PRR13: variants seen among roughly 807,000 people sequenced by gnomAD.
PRR13 encodes proline-rich protein 13.
In PRR13, 7 loss-of-function variants were observed where a neutral mutation model predicts 11.5. The ratio of observed to expected loss-of-function variants is 0.61; its 90% confidence interval spans 0.34 to 1.14. The LOEUF (loss-of-function observed/expected upper bound fraction) is 1.14. Among genes scored for constraint, PRR13 ranks in the 50% most tolerant of loss-of-function variants. PRR13 has a pLI of 0.03. For synonymous variants in PRR13, 53 were observed against 67.8 expected, an observed-to-expected ratio of 0.78 and a Z score of 1.07; for missense variants, 155 against 194.4, an observed-to-expected ratio of 0.80 and a Z score of 1.21.
intron 3 of PRR13, 120 bp downstream of exon 3, chr12:53,443,893 C>G: frequency 8.5e-7 from 1 of 1,174,484 alleles, no homozygotes; most frequent in Non-Finnish European, 1.2e-6. Flanking sequence ...TTGTGTCGCT[C>G]TGGTAGATGA....
intron 1 of PRR13, chr12:53,442,177 C>CTAG (rs1352531714): frequency 2.2e-5 from 7 of 313,334 alleles, no homozygotes; most frequent in Non-Finnish European, 3.5e-5. Context: ...GCCCTGGGAA[C>CTAG]TAGATTCCTG....
chr12:53,443,352 T>TG (rs1340257340), intron 2 of PRR13, 39 bp from the exon 3 acceptor site: 11 of 1,350,090 alleles, frequency 8.1e-6, no homozygotes, highest in Non-Finnish European at 1.1e-5. Flanking sequence ...TTGGAGACTC[T>TG]GGGGAATTCT....
rs771297686 is a variant in PRR13, at chr12:53,446,023, C to G, written c.411C>G (p.Ser137=). 1.2e-6 allele frequency: 2 copies of G among 1,611,580 alleles called. No homozygotes were observed. Among genetic ancestry groups the G allele is most frequent in the Non-Finnish European group, 1.7e-6 (2 of 1,179,314 alleles). The change falls in exon 4 of 4, where the codon TCC becomes TCG. Residue 137 remains serine (S), a synonymous_variant. Transcript: ENST00000429243. ...HKYHKHGKHS[S]SSSSSSSSDS... ...CCCCTTTCCCCTTGCAGCATTCCTC[C>G]TCTTCCTCCTCCTCTTCCAGCAGTG... is the stretch of plus-strand genomic sequence containing the variant.
intron 3 of PRR13, among the ~76,000 whole-genome samples, chr12:53,444,808 G>A (rs879672460): frequency 6.6e-6 from 1 of 152,040 alleles, no homozygotes; most frequent in Non-Finnish European, 1.5e-5. Context: ...TGAGGCAGGA[G>A]AATTGCTTGA....
Position 53,441,998 on chromosome 12 carries a change from G to A in PRR13, c.-21+206G>A, listed in dbSNP as rs1940301232. On this transcript the variant is annotated intron_variant, in intron 1 of 3. Coordinates refer to ENST00000429243, the MANE Select transcript of PRR13 (RefSeq NM_018457.4). The stretch of plus-strand genomic sequence containing the variant: ...CGTATCCTTTTTTTAGCCTGAGGTG[G>A]GGTCCTCCCCAGGGAGAGAGAAAGT... 5.0e-6 allele frequency: 3 copies of A among 605,906 alleles called. No homozygotes were observed. In the East Asian group the frequency reaches 8.3e-5, roughly 17 times the overall value. The allele number at this position is 605,906 out of a possible 1,614,324, so 37.5% of individuals were successfully genotyped here. A position where few individuals can be genotyped will look rare whatever the true frequency, so the allele number is the denominator to read the frequency against.
Position 53,443,329 on chromosome 12 carries a change from T to A in PRR13, c.20-62T>A, listed in dbSNP as rs555162823. ...TGAGTGAGAAAGAATCTCTTTCTTT[T>A]TGTTGTTTGTTGTTGGAGACTCTGG... On this transcript the variant is annotated intron_variant, in intron 2 of 3. Coordinates refer to ENST00000429243, the MANE Select transcript of PRR13 (RefSeq NM_018457.4). 23 of 1,300,666 alleles carry A rather than the reference T, an allele frequency of 1.8e-5. No homozygotes were observed. The East Asian group carries it at 5.5e-4, about 31-fold the overall frequency. 80.6% of individuals were successfully genotyped at this position (1,300,666 alleles called of 1,614,324 possible).
At chr12:53,445,629 T>C (rs150779445) in intron 3 of PRR13, among the ~76,000 whole-genome samples, 1 of 152,348 alleles carries the variant, frequency 6.6e-6, no homozygotes, top group African/African-American at 2.4e-5. Flanking sequence ...CTTAAAATCA[T>C]AGGACTTTGC....
chr12:53,446,210 T>A lies in PRR13; in HGVS notation c.*151T>A. 1 of 1,399,808 alleles carries A rather than the reference T, an allele frequency of 7.1e-7. No individual in the cohort carries two copies. Among genetic ancestry groups the A allele is most frequent in the East Asian group, 2.4e-5 (1 of 41,210 alleles). 86.7% of individuals were successfully genotyped at this position (1,399,808 alleles called of 1,614,324 possible). A position where few individuals can be genotyped will look rare whatever the true frequency, so the allele number is the denominator to read the frequency against. ...ACCCTGCTGTTGAGCCCTGAGTGGC[T>A]AGGGGAAATGGGAAGAGGATTGCCA... is the stretch of plus-strand genomic sequence containing the variant. On this transcript the variant is annotated 3_prime_UTR_variant, in exon 4 of 4. Coordinates refer to ENST00000429243, the MANE Select transcript of PRR13 (RefSeq NM_018457.4).
intron 1 of PRR13, chr12:53,442,072 C>T: frequency 1.9e-6 from 1 of 513,860 alleles, no homozygotes; most frequent in South Asian, 2.5e-5. Context: ...CCTCCGTACT[C>T]AGTTCCAGGG....
chr12:53,443,599 C>T lies in PRR13; in HGVS notation c.228C>T (p.Pro76=). The T allele has an allele frequency of 6.2e-7, 1 of 1,613,140 alleles. No individual in the cohort carries two copies. Among genetic ancestry groups the T allele is most frequent in the African/African-American group, 1.3e-5 (1 of 74,976 alleles). ...ATCCAGGATGCCAACCGTTGGGTCC[C>T]TACCCTCCTCCATACCCACCGCCTG... ...PGYPGCQPLG[P]YPPPYPPPAP... The change falls in exon 3 of 4, where the codon CCC becomes CCT. Residue 76 remains proline (P), a synonymous_variant. Coordinates refer to ENST00000429243, the MANE Select transcript of PRR13 (RefSeq NM_018457.4).
intron 2 of PRR13, chr12:53,443,179 C>T: frequency 2.0e-6 from 1 of 505,142 alleles, no homozygotes; most frequent in Non-Finnish European, 3.4e-6. Context: ...TTGTCTTCCT[C>T]AGAGTTCACT....
Position 53,443,642 on chromosome 12 carries a change from G to A in PRR13, c.271G>A (p.Val91Met), listed in dbSNP as rs1437789018. The A allele has an allele frequency of 3.7e-6, 6 of 1,614,186 alleles. No individual in the cohort carries two copies. The highest frequency in any genetic ancestry group is 5.1e-6 in the Non-Finnish European group (6 of 1,180,040). Residue 91 changes from valine to methionine, a missense_variant, in exon 3 of 4, where the codon GTG (valine) becomes ATG (methionine). Coordinates refer to ENST00000429243, the MANE Select transcript of PRR13 (RefSeq NM_018457.4). ...YPPPAPGIPP[V>M]NPLAPGMVGP... ...ACCGCCTGCCCCTGGAATCCCTCCT[G>A]TGAATCCCTTGGCTCCTGGCATGGT...
Position 53,446,032 on chromosome 12 carries a change from C to T in PRR13, c.420C>T (p.Ser140=). ...CCTTGCAGCATTCCTCCTCTTCCTC[C>T]TCCTCTTCCAGCAGTGATTCTGACT... ...HKHGKHSSSS[S]SSSSSDSD Residue 140 remains serine, a synonymous_variant, in exon 4 of 4, where the codon TCC becomes TCT. Coordinates refer to ENST00000429243, the MANE Select transcript of PRR13 (RefSeq NM_018457.4). 1 of 1,611,474 alleles carries T rather than the reference C, an allele frequency of 6.2e-7. No homozygotes were observed. The highest frequency in any genetic ancestry group is 8.5e-7 in the Non-Finnish European group (1 of 1,179,178).
intron 3 of PRR13, 35 bp downstream of exon 3, chr12:53,443,808 T>A (rs188348914): frequency 1.3e-6 from 2 of 1,559,402 alleles, no homozygotes; most frequent in South Asian, 2.3e-5. Flanking sequence ...AGGGAAGGAG[T>A]CCCCCCTCAG....
At chr12:53,442,046 T>G (rs904390707) in intron 1 of PRR13, 1 of 559,960 alleles carries the variant, frequency 1.8e-6, no homozygotes, top group African/African-American at 1.9e-5. Context: ...TTTCTTACTC[T>G]GTGCGTGGTT....
At chr12:53,442,047 G>C (rs1208859044) in intron 1 of PRR13, 1 of 560,532 alleles carries the variant, frequency 1.8e-6, no homozygotes, top group African/African-American at 1.9e-5. Context: ...TTCTTACTCT[G>C]TGCGTGGTTA....
chr12:53,441,737 T>G lies in PRR13; in HGVS notation c.-76T>G, dbSNP rs1940294703. Reference sequence around the variant, plus strand: ...TGCCGAAGCACGGGGTCTGGGTGACTAGGAAGAGCCGAGACTGCGAAGGAG... The same window carrying G: ...TGCCGAAGCACGGGGTCTGGGTGACGAGGAAGAGCCGAGACTGCGAAGGAG... On this transcript the variant is annotated 5_prime_UTR_variant, in exon 1 of 4. Coordinates refer to ENST00000429243, the MANE Select transcript of PRR13 (RefSeq NM_018457.4). 2.9e-6 allele frequency: 2 copies of G among 700,406 alleles called. No individual in the cohort carries two copies. The highest frequency in any genetic ancestry group is 2.7e-5 in the East Asian group (1 of 37,268). The allele number at this position is 700,406 out of a possible 1,614,324, so 43.4% of individuals were successfully genotyped here. A position where few individuals can be genotyped will look rare whatever the true frequency, so the allele number is the denominator to read the frequency against.
chr12:53,443,837 G>A (rs1940346734), intron 3 of PRR13, 64 bp downstream of exon 3: 4 of 1,517,264 alleles, frequency 2.6e-6, no homozygotes, highest in Non-Finnish European at 3.6e-6. Context: ...GGTAGGCAGG[G>A]GTTGGGTGAG....
chr12:53,444,329 G>GTT (rs959231725), intron 3 of PRR13, among the ~76,000 whole-genome samples: 1,802 of 131,282 alleles, frequency 0.014, 31 homozygotes, highest in African/African-American at 0.047. Flanking sequence ...GACTAAGGAG[G>GTT]TTTTTTTTTT....
Sources: gnomAD v4.1 joint callset for allele counts (sites outside exome capture counted in the v4.1 genomes callset) on GRCh38, gnomAD v4.1.1 for gene constraint, MANE v1.5 for transcripts, NCBI Gene and HGNC (gene_info 2026-07-23, HGNC 2026-07-21) for gene names.